The following FANCD2 variants were observed in gnomAD, a reference collection of about 807,000 sequenced individuals.
FANCD2 encodes the protein FA complementation group D2, also known as Fanconi anemia group D2 protein.
Under a neutral mutation model 192.3 loss-of-function variants are expected in FANCD2, and 131 were observed. The observed-to-expected ratio is 0.68, with a 90% confidence interval of 0.59 to 0.79. The LOEUF is 0.79. FANCD2 is among the 30% of genes least tolerant of loss of function. FANCD2 has a pLI of 0.00. For missense variants in FANCD2, 1,508 were observed against 1,701.6 expected (o/e 0.89, Z 2.00); for synonymous variants, 524 against 612.5 (o/e 0.86, Z 2.13).
At chr3:10,096,791 A>T (rs889873137) in intron 42 of FANCD2, among the ~76,000 whole-genome samples, 1 of 152,206 alleles carries the variant, frequency 6.6e-6, no homozygotes, top group Non-Finnish European at 1.5e-5. Context: ...GGGTAGATTC[A>T]TAATAACATT....
intron 6 of FANCD2, 96 bp from the exon 7 acceptor site, chr3:10,036,191 A>G: frequency 2.1e-6 from 2 of 954,246 alleles, no homozygotes; most frequent in Non-Finnish European, 1.7e-6. Context: ...CAGGTCCAAG[A>G]GGTTCTCGTG....
intron 18 of FANCD2, among the ~76,000 whole-genome samples, chr3:10,059,421 CAATA>C: frequency 6.6e-6 from 1 of 152,230 alleles, no homozygotes; most frequent in East Asian, 1.9e-4. Flanking sequence ...GAAATAATAA[CAATA>C]AAAGATATTA....
At chr3:10,094,157 A>G in intron 39 of FANCD2, 132 bp from the exon 40 acceptor site, 1 of 713,904 alleles carries the variant, frequency 1.4e-6, no homozygotes. Context: ...AACCTTTTGG[A>G]CCCTTCCCAA....
In FANCD2 at chr3:10,098,744, T is replaced by A. The variant is rs780000481; in HGVS notation, c.4210T>A (p.Ser1404Thr). 3.5e-5 allele frequency: 57 copies of A among 1,613,974 alleles called. No homozygotes were observed. The highest frequency in any genetic ancestry group is 3.7e-5 in the Non-Finnish European group (44 of 1,180,002). Residue 1404 changes from serine to threonine, a missense_variant, in exon 43 of 44, where the codon TCC becomes ACC. Physicochemically the swap from Ser to Thr is moderately conservative, Grantham distance 58. Around this residue, in one of 5 missense-constraint regions of FANCD2, gnomAD observed 796 missense variants for 879.4 expected, o/e 0.91. Coordinates refer to ENST00000675286, the MANE Select transcript of FANCD2 (RefSeq NM_001018115.3). Reference sequence around the variant, plus strand: ...GGGTGAAGAGATTAAGTCCCAAAATTCCCAGGAGAGCACAGCAGATGAGAG... The same window carrying A: ...GGGTGAAGAGATTAAGTCCCAAAATACCCAGGAGAGCACAGCAGATGAGAG... ...LQGEEIKSQN[S>T]QESTADESED... is the part of the protein sequence containing the mutation.
chr3:10,079,381 T>C (rs183489030), intron 30 of FANCD2, among the ~76,000 whole-genome samples: 397 of 152,336 alleles, frequency 2.6e-3, no homozygotes, highest in African/African-American at 9.1e-3. Flanking sequence ...CTCGGCTCAC[T>C]GCAGCCTCTG....
rs756713676 is a variant in FANCD2, at chr3:10,088,845, C to T, written c.3578C>T (p.Thr1193Ile). Reference sequence around the variant, plus strand: ...CAATGCAGTATCTACCTGGAGCACACAGAGAGCATTCTGAAGGCCATAGAG... The same window carrying T: ...CAATGCAGTATCTACCTGGAGCACATAGAGAGCATTCTGAAGGCCATAGAG... ...HALLCIYLEH[T>I]ESILKAIEEI... Residue 1193 changes from threonine (T) to isoleucine (I), a missense_variant, in exon 36 of 44, where the codon ACA becomes ATA. This residue lies in a region of FANCD2 where 796 missense variants were observed against 879.4 expected (regional missense o/e 0.91). Transcript: ENST00000675286. 3.1e-6 allele frequency: 5 copies of T among 1,614,120 alleles called. No homozygotes were observed. The highest frequency in any genetic ancestry group is 4.2e-6 in the Non-Finnish European group (5 of 1,179,970).
intron 26 of FANCD2, among the ~76,000 whole-genome samples, chr3:10,070,097 G>A (rs1330609824): frequency 4.0e-5 from 6 of 150,154 alleles, no homozygotes; most frequent in Non-Finnish European, 8.9e-5. Flanking sequence ...TGTGAGGAGC[G>A]CCTCTGCCCG....
rs527926669 is a variant in FANCD2, at chr3:10,076,485, T to C, written c.2860-1596T>C. ...TTTATTTTGGACATGCTTGACTTTATTATATGACAGAGCATAATAGCTATC... is the reference window on the plus strand; with the variant it reads ...TTTATTTTGGACATGCTTGACTTTACTATATGACAGAGCATAATAGCTATC... On this transcript the variant is annotated intron_variant, in intron 29 of 43. Transcript: ENST00000675286. Among the ~76,000 whole-genome samples, 70 of 152,328 alleles carry C rather than the reference T, an allele frequency of 4.6e-4. 1 individual carries two copies. The highest frequency in any genetic ancestry group is 1.6e-3 in the African/African-American group (68 of 41,564).
chr3:10,081,449 A>G lies in FANCD2; in HGVS notation c.3209A>G (p.His1070Arg), dbSNP rs759516610. Reference sequence around the variant, plus strand: ...TATCAGAGGCTGCTGCAGATTTTTCATGGGCTTTTTGCTTGGTAAGTATGT... The same window carrying G: ...TATCAGAGGCTGCTGCAGATTTTTCGTGGGCTTTTTGCTTGGTAAGTATGT... Reference protein sequence around the residue: ...SCYQRLLQIFHGLFAWSGFSQ... With the variant: ...SCYQRLLQIFRGLFAWSGFSQ... Residue 1070 changes from histidine to arginine, a missense_variant, in exon 32 of 44, where the codon CAT (histidine) becomes CGT (arginine). This residue lies in a region of FANCD2 where 796 missense variants were observed against 879.4 expected (regional missense o/e 0.91). Transcript: ENST00000675286. 13 of 1,612,856 alleles carry G rather than the reference A, an allele frequency of 8.1e-6. No individual in the cohort carries two copies. The highest frequency in any genetic ancestry group is 1.7e-5 in the Admixed American group (1 of 59,992).
chr3:10,053,923 G>T (rs1199026058), intron 18 of FANCD2, among the ~76,000 whole-genome samples: 1 of 152,112 alleles, frequency 6.6e-6, no homozygotes, highest in Non-Finnish European at 1.5e-5. Flanking sequence ...GCTTTTGTTT[G>T]TGGGCGCCAT....
Position 10,036,755 on chromosome 3 carries a change from C to T in FANCD2, c.491+416C>T, listed in dbSNP as rs555687313. Among the ~76,000 whole-genome samples, 664 of 151,780 alleles carry T rather than the reference C, an allele frequency of 4.4e-3. 3 individuals are homozygous for T. The highest frequency in any genetic ancestry group is 7.4e-3 in the Non-Finnish European group (503 of 67,980). ...CCCTAGTAGAAGGATACACAATATA[C>T]TGGTAATGGTAGTTGTCTCCAAAGA... On this transcript the variant is annotated intron_variant, in intron 7 of 43. Coordinates refer to ENST00000675286, the MANE Select transcript of FANCD2 (RefSeq NM_001018115.3).
chr3:10,066,068 T>C, intron 25 of FANCD2, 89 bp downstream of exon 25: 3 of 828,224 alleles, frequency 3.6e-6, no homozygotes, highest in Non-Finnish European at 6.0e-6. Flanking sequence ...CCTAGAAGTC[T>C]TCACCAAGCA....
At chr3:10,083,599 C>T (rs4260416) in intron 32 of FANCD2, 34,378 of 152,012 alleles carry the variant, frequency 0.23, 5,019 homozygotes, top group African/African-American at 0.42. Flanking sequence ...TGAAAGCATA[C>T]GTCCACCGAC....
chr3:10,079,180 G>A (rs1693690376), intron 30 of FANCD2, among the ~76,000 whole-genome samples: 1 of 151,812 alleles, frequency 6.6e-6, no homozygotes, highest in African/African-American at 2.4e-5. Context: ...GGAGGCAGAC[G>A]CTGCAGTGAA....
At chr3:10,050,622 CAAAAAAAAAAAAA>C (rs58316932) in intron 17 of FANCD2, among the ~76,000 whole-genome samples, 1 of 59,632 alleles carries the variant, frequency 1.7e-5, no homozygotes, top group East Asian at 5.8e-4. Context: ...GACTCTGTCT[CAAAAAAAAAAAAA>C]AAAAAAAAGG....
In FANCD2 at chr3:10,049,254, G is replaced by A; in HGVS notation, c.1414-120G>A. On this transcript the variant is annotated intron_variant, in intron 16 of 43. Transcript: ENST00000675286. ...TAATGAAAACTAGATAATAGGTGAT[G>A]GGTTTGGGTTGATTGTGATTTTAAC... 9 of 992,700 alleles carry A rather than the reference G, an allele frequency of 9.1e-6. 1 individual carries two copies. In the Middle Eastern group the frequency reaches 7.9e-4, roughly 87 times the overall value. The allele number at this position is 992,700 out of a possible 1,614,324, so 61.5% of individuals were successfully genotyped here.
Position 10,060,286 on chromosome 3 carries a change from C to T in FANCD2, c.1657-8C>T. 6.3e-7 allele frequency: 1 copy of T among 1,589,932 alleles called. No individual in the cohort carries two copies. Among genetic ancestry groups the T allele is most frequent in the Non-Finnish European group, 8.6e-7 (1 of 1,159,770 alleles). On this transcript the variant is annotated splice_region_variant and splice_polypyrimidine_tract_variant and intron_variant, in intron 18 of 43. Transcript: ENST00000675286. ...GCATTTTCATCTTTCTTCATCATCT[C>T]ATTGCAGGATGACATGCACTTGGTG...
Position 10,052,734 on chromosome 3 carries a change from T to C in FANCD2, c.1656+237T>C, listed in dbSNP as rs34550475. 0.15 allele frequency among the ~76,000 whole-genome samples: 23,441 copies of C among 151,408 alleles called. 1,872 individuals carry two copies. The highest frequency in any genetic ancestry group is 0.17 in the African/African-American group (7,077 of 41,206). On this transcript the variant is annotated intron_variant, in intron 18 of 43. Coordinates refer to ENST00000675286, the MANE Select transcript of FANCD2 (RefSeq NM_001018115.3). ...TGGGCGAAGGACATGAACAGACACT[T>C]CTCAAAAGAAGACATTTATGCAGCC... is the stretch of plus-strand genomic sequence containing the variant.
rs947151309 is a variant in FANCD2, at chr3:10,092,382, C to T, written c.3849+130C>T. ...GGGCCTGCTCTCCCTGAGTCGTCTT[C>T]TTCCTTTGTCCCCCTACCCATCCTG... On this transcript the variant is annotated intron_variant, in intron 38 of 43. Transcript: ENST00000675286. 3.8e-6 allele frequency: 3 copies of T among 784,124 alleles called. No individual in the cohort carries two copies. In the African/African-American group the frequency reaches 5.1e-5, roughly 13 times the overall value. The allele number at this position is 784,124 out of a possible 1,614,324, so 48.6% of individuals were successfully genotyped here. A position where few individuals can be genotyped will look rare whatever the true frequency, so the allele number is the denominator to read the frequency against.
Sources: gnomAD v4.1 joint callset for allele counts (sites outside exome capture counted in the v4.1 genomes callset) on GRCh38, gnomAD v4.1.1 for gene constraint, gnomAD v4.1.1 regional missense constraint, MANE v1.5 for transcripts, NCBI Gene and HGNC (gene_info 2026-07-23, HGNC 2026-07-21) for gene names.